Variants in ANXA11 observed in about 807,000 individuals in gnomAD.
The protein encoded by ANXA11 is annexin A11.
ANXA11 carries 57 observed loss-of-function variants against 64.7 expected under a neutral mutation model. The ratio of observed to expected loss-of-function variants is 0.88; its 90% CI spans 0.71 to 1.10. The LOEUF is 1.10. Among genes scored for constraint, ANXA11 ranks in the 50% least tolerant of loss-of-function variants. The probability of loss-of-function intolerance (pLI) is 0.00; values close to 1 mark genes in which losing one functional copy is unlikely to be tolerated. For missense variants in ANXA11, 675 were observed against 670.7 expected (o/e 1.01, Z -0.07); for synonymous variants, 260 against 265.2 (o/e 0.98, Z 0.19).
chr10:80,163,259 C>T, intron 11 of ANXA11, 90 bp downstream of exon 11: 1 of 1,465,342 alleles, frequency 6.8e-7, no homozygotes, highest in South Asian at 1.2e-5. Flanking sequence ...ATCTATTGTT[C>T]TTTCCACCCT....
At chr10:80,165,773 C>A (rs1170963835) in intron 8 of ANXA11, among the ~76,000 whole-genome samples, 1 of 152,176 alleles carries the variant, frequency 6.6e-6, no homozygotes, top group Admixed American at 6.5e-5. Context: ...CCTCTTCTTA[C>A]CACAGAATCG....
intron 1 of ANXA11, among the ~76,000 whole-genome samples, chr10:80,200,433 C>CA (rs1250602131): frequency 6.6e-6 from 1 of 152,130 alleles, no homozygotes; most frequent in African/African-American, 2.4e-5. Context: ...GACCAAAGAC[C>CA]AAAGGCATTA....
At position 80,170,791 on chromosome 10, in the gene ANXA11, T is replaced by C. The variant is rs1845939268; in HGVS notation, c.171+9A>G. ...CCCAGGGCTGCCTCAGCAGGAGAGC[T>C]GGACTCACCATTCCCGAGAGATAGT... On this transcript the variant is annotated intron_variant, in intron 4 of 15. Transcript: ENST00000422982. 1.4e-6 allele frequency: 2 copies of C among 1,471,610 alleles called. No individual in the cohort carries two copies. The highest frequency in any genetic ancestry group is 2.6e-5 in the Admixed American group (1 of 38,368). The allele number at this position is 1,471,610 out of a possible 1,614,324, so 91.2% of individuals were successfully genotyped here. A position where few individuals can be genotyped will look rare whatever the true frequency, so the allele number is the denominator to read the frequency against.
chr10:80,164,001 G>T, intron 9 of ANXA11, 52 bp downstream of exon 9: 1 of 1,493,908 alleles, frequency 6.7e-7, no homozygotes, highest in Non-Finnish European at 9.3e-7. Context: ...AGCCCCAAGA[G>T]CACAGGGATC....
intron 1 of ANXA11, among the ~76,000 whole-genome samples, chr10:80,187,541 G>A (rs558614782): frequency 4.7e-5 from 7 of 148,518 alleles, no homozygotes; most frequent in South Asian, 2.2e-4. Context: ...GCATGTGCGC[G>A]CGTGCACACA....
In ANXA11 at chr10:80,188,511, A is replaced by ATATATATATATAT. The variant is rs1554834982; in HGVS notation, c.-57-12357_-57-12356insATATATATATATA. Among the ~76,000 whole-genome samples the ATATATATATATAT allele has an allele frequency of 2.5e-4, 32 of 126,508 alleles. 1 individual carries two copies. Among genetic ancestry groups the ATATATATATATAT allele is most frequent in the African/African-American group, 2.7e-4 (9 of 33,322 alleles). The allele number at this position is 126,508 out of a possible 152,430, so 83.0% of individuals were successfully genotyped here. On this transcript the variant is annotated intron_variant, in intron 1 of 15. Coordinates refer to ENST00000422982, the MANE Select transcript of ANXA11 (RefSeq NM_145868.2). ...TATATATATATATATATATATATAT[A>ATATATATATATAT]GCACTACAACAGGTATTAGCACACA...
intron 3 of ANXA11, 100 bp downstream of exon 3, chr10:80,172,706 AG>A: frequency 1.7e-6 from 2 of 1,193,604 alleles, no homozygotes; most frequent in Non-Finnish European, 1.2e-6. Context: ...CCGTGCTGTG[AG>A]GGGAGGAGGG....
At chr10:80,175,279 A>C (rs1846128913) in intron 2 of ANXA11, among the ~76,000 whole-genome samples, 1 of 152,180 alleles carries the variant, frequency 6.6e-6, no homozygotes, top group Non-Finnish European at 1.5e-5. Flanking sequence ...GAACCTTCTA[A>C]TAGAAGGAAC....
At chr10:80,170,206 T>C (rs1397631688) in intron 4 of ANXA11, among the ~76,000 whole-genome samples, 3 of 152,212 alleles carry the variant, frequency 2.0e-5, no homozygotes, top group Non-Finnish European at 2.9e-5. Context: ...GTTTGTTTTA[T>C]TCACATATCC....
rs2573348 is a variant in ANXA11, at chr10:80,166,029, C to T, written c.858+55G>A. 0.44 allele frequency: 488,020 copies of T among 1,102,196 alleles called. 113,481 individuals are homozygous for T. The highest frequency in any genetic ancestry group is 0.66 in the East Asian group (27,762 of 41,884). The allele number at this position is 1,102,196 out of a possible 1,614,324, so 68.3% of individuals were successfully genotyped here. ...GTGTGTCCACACGCATGCGCGCGTG[C>T]GCACACACGCGCGCACACACACACA... On this transcript the variant is annotated intron_variant, in intron 8 of 15. Coordinates refer to ENST00000422982, the MANE Select transcript of ANXA11 (RefSeq NM_145868.2).
rs1483199523 is a variant in ANXA11 at position 80,205,518 on chromosome 10, A to T, written c.-233T>A. On this transcript the variant is annotated 5_prime_UTR_variant, in exon 1 of 16. Coordinates refer to ENST00000422982, the MANE Select transcript of ANXA11 (RefSeq NM_145868.2). Reference sequence around the variant, plus strand: ...GGGAGCCGCGGGCGCAGCAGCCGTCAGCGCCGGGCGGAAAACTCCGCGGGC... The same window carrying T: ...GGGAGCCGCGGGCGCAGCAGCCGTCTGCGCCGGGCGGAAAACTCCGCGGGC... 2 of 151,876 alleles carry T rather than the reference A, an allele frequency of 1.3e-5. No individual in the cohort carries two copies. Among genetic ancestry groups the T allele is most frequent in the Non-Finnish European group, 2.9e-5 (2 of 67,964 alleles). The allele number at this position is 151,876 out of a possible 1,614,324, so 9.4% of individuals were successfully genotyped here.
At chr10:80,202,796 A>T (rs1324050516) in intron 1 of ANXA11, among the ~76,000 whole-genome samples, 1 of 152,140 alleles carries the variant, frequency 6.6e-6, no homozygotes, top group Non-Finnish European at 1.5e-5. Context: ...CTGTAATCCC[A>T]GCACTTTGGG....
chr10:80,158,217 G>A (rs936366258), intron 13 of ANXA11, among the ~76,000 whole-genome samples, 192 bp from the exon 14 acceptor site: 1 of 152,102 alleles, frequency 6.6e-6, no homozygotes, highest in Non-Finnish European at 1.5e-5. Context: ...ACAGAAACAC[G>A]CAAAGCCTGG....
At chr10:80,194,496 A>C (rs569098817) in intron 1 of ANXA11, among the ~76,000 whole-genome samples, 3 of 150,030 alleles carry the variant, frequency 2.0e-5, no homozygotes, top group African/African-American at 7.5e-5. Context: ...ACACACTACA[A>C]TATTTAAGAG....
intron 2 of ANXA11, among the ~76,000 whole-genome samples, chr10:80,173,893 C>T (rs2132430136): frequency 6.6e-6 from 1 of 152,336 alleles, no homozygotes; most frequent in East Asian, 1.9e-4. Context: ...GGCTCCACCA[C>T]CAAGAGTTTC....
intron 1 of ANXA11, among the ~76,000 whole-genome samples, chr10:80,185,660 G>T (rs934513586): frequency 3.9e-5 from 6 of 152,244 alleles, no homozygotes; most frequent in African/African-American, 1.4e-4. Flanking sequence ...ACACGGAACT[G>T]AACTTTATAA....
At chr10:80,201,336 C>T (rs1233829445) in intron 1 of ANXA11, among the ~76,000 whole-genome samples, 1 of 152,146 alleles carries the variant, frequency 6.6e-6, no homozygotes, top group Non-Finnish European at 1.5e-5. Context: ...CCTTTATAGG[C>T]TCATCTTCCT....
chr10:80,153,656 AGAG>A lies in ANXA11; in HGVS notation c.*2194_*2196del, dbSNP rs1473609177. 1 of 152,300 alleles carries A rather than the reference AGAG, an allele frequency of 6.6e-6. No homozygotes were observed. Among genetic ancestry groups the A allele is most frequent in the African/African-American group, 2.4e-5 (1 of 41,474 alleles). 9.4% of individuals were successfully genotyped at this position (152,300 alleles called of 1,614,324 possible). A position where few individuals can be genotyped will look rare whatever the true frequency, so the allele number is the denominator to read the frequency against. On this transcript the variant is annotated 3_prime_UTR_variant, in exon 16 of 16. Transcript: ENST00000422982. Reference sequence around the variant, plus strand: ...CCAAGGGCAAGGGGCCTGCCCTAGCAGAGGAGTTCTTGGGAGAGCAGCAGGGAT... The same window carrying A: ...CCAAGGGCAAGGGGCCTGCCCTAGCAGAGTTCTTGGGAGAGCAGCAGGGAT...
At position 80,169,008 on chromosome 10, in the gene ANXA11, C is replaced by T. The variant is rs1407048279; in HGVS notation, c.522G>A (p.Pro174=). ...CAGCGGGGGTGACAGTCCCAGACCC[C>T]GGGTATCCTGGGTAGCTCGGCACTG... ...QQPVPSYPGY[P]GSGTVTPAVP... Residue 174 remains proline, a synonymous_variant, in exon 5 of 16, where the codon CCG becomes CCA. Transcript: ENST00000422982. 23 of 1,545,166 alleles carry T rather than the reference C, an allele frequency of 1.5e-5. No homozygotes were observed. The highest frequency in any genetic ancestry group is 2.0e-5 in the Non-Finnish European group (23 of 1,151,522).
Sources: gnomAD v4.1 joint callset for allele counts (sites outside exome capture counted in the v4.1 genomes callset) on GRCh38, gnomAD v4.1.1 for gene constraint, MANE v1.5 for transcripts, NCBI Gene and HGNC (gene_info 2026-07-23, HGNC 2026-07-21) for gene names.